STAM: variants seen among roughly 807,000 people sequenced by gnomAD.
The protein encoded by STAM is signal transducing adapter molecule 1.
STAM carries 16 observed loss-of-function variants against 63.4 expected under a neutral mutation model. The observed-to-expected ratio is 0.25, with a 90% CI of 0.17 to 0.38. The LOEUF (loss-of-function observed/expected upper bound fraction) is 0.38, where lower values mean the gene tolerates loss of function less well. Among genes scored for constraint, STAM ranks in the 10% least tolerant of loss-of-function variants. The pLI is 1.00. For missense variants in STAM, 636 were observed against 657.1 expected, an observed-to-expected ratio of 0.97 and a Z score of 0.35; for synonymous variants, 238 against 223.9, an observed-to-expected ratio of 1.06 and a Z score of -0.56.
intron 2 of STAM, among the ~76,000 whole-genome samples, chr10:17,682,665 A>T (rs1405601221): frequency 6.6e-6 from 1 of 152,182 alleles, no homozygotes. Flanking sequence ...TATAGGACAG[A>T]ATGTAGTCCA....
At chr10:17,705,402 C>T (rs1475370734) in intron 11 of STAM, among the ~76,000 whole-genome samples, 186 bp from the exon 12 acceptor site, 4 of 152,132 alleles carry the variant, frequency 2.6e-5, no homozygotes, top group East Asian at 1.9e-4. Context: ...TAGCACAGCA[C>T]GTAAACCTTA....
At chr10:17,707,413 A>T (rs1368931010) in intron 12 of STAM, among the ~76,000 whole-genome samples, 4 of 151,500 alleles carry the variant, frequency 2.6e-5, no homozygotes, top group Admixed American at 6.6e-5. Context: ...CCACCTCAAA[A>T]AATAATAATA....
At chr10:17,704,742 A>C (rs557034487) in intron 10 of STAM, among the ~76,000 whole-genome samples, 35 of 152,364 alleles carry the variant, frequency 2.3e-4, no homozygotes, top group African/African-American at 8.4e-4. Context: ...GAACCTGGTA[A>C]AATGAAAAAT....
chr10:17,684,713 AC>A lies in STAM; in HGVS notation c.166del (p.His56ThrfsTer11). 1 of 1,614,074 alleles carries A rather than the reference AC, an allele frequency of 6.2e-7. No individual in the cohort carries two copies. Among genetic ancestry groups the A allele is most frequent in the Non-Finnish European group, 8.5e-7 (1 of 1,179,988 alleles). On this transcript the variant is annotated frameshift_variant, in exon 3 of 14. Coordinates refer to ENST00000377524, the MANE Select transcript of STAM (RefSeq NM_003473.4). LOFTEE classifies it high-confidence loss of function. ...CTTCGGTCTATTATGAGAAGAGTGA[AC>A]CACAAAGATCCTCACGTTGCTATGC... Reference protein sequence around the residue: ...DCLRSIMRRVNHKDPHVAMQA... With the variant: ...DCLRSIMRRVXHKDPHVAMQA...
intron 9 of STAM, among the ~76,000 whole-genome samples, chr10:17,703,170 T>A (rs1445027465): frequency 6.6e-6 from 1 of 152,166 alleles, no homozygotes; most frequent in Non-Finnish European, 1.5e-5. Flanking sequence ...TGTGTGTTAA[T>A]GGACTCTCAC....
intron 2 of STAM, among the ~76,000 whole-genome samples, chr10:17,668,675 G>GT (rs1445706816): frequency 1.3e-5 from 2 of 152,074 alleles, no homozygotes; most frequent in Non-Finnish European, 2.9e-5. Flanking sequence ...CTGTTTACAA[G>GT]TTTATCTTTT....
intron 1 of STAM, among the ~76,000 whole-genome samples, chr10:17,648,524 C>T (rs141437027): frequency 1.3e-3 from 201 of 152,294 alleles, no homozygotes; most frequent in African/African-American, 4.6e-3. Context: ...TCTTTGGGTC[C>T]GTGCTACCTT....
chr10:17,680,548 A>G (rs1835044582), intron 2 of STAM, among the ~76,000 whole-genome samples: 1 of 151,862 alleles, frequency 6.6e-6, no homozygotes, highest in South Asian at 2.1e-4. Flanking sequence ...TGGGACTACA[A>G]GTGTGTGCCA....
rs782493156 is a variant in STAM at position 17,704,493 on chromosome 10, C to G, written c.975C>G (p.Asp325Glu). 2.9e-5 allele frequency: 47 copies of G among 1,613,936 alleles called. No individual in the cohort carries two copies. In the East Asian group the frequency reaches 1.0e-3, roughly 34 times the overall value. ...CAGACCCCAGTGATGATCAGCCAGA[C>G]CTACCAGAGCTGCTTCATCTTGAAG... ...QSTDPSDDQP[D>E]LPELLHLEAM... The change falls in exon 10 of 14, where the codon GAC (aspartate) becomes GAG (glutamate). Residue 325 changes from aspartate (D) to glutamate (E), a missense_variant. Physicochemically the swap from Asp to Glu is conservative, Grantham distance 45. Coordinates refer to ENST00000377524, the MANE Select transcript of STAM (RefSeq NM_003473.4).
chr10:17,655,700 C>G (rs1301644345), intron 1 of STAM, among the ~76,000 whole-genome samples: 1 of 152,152 alleles, frequency 6.6e-6, no homozygotes, highest in Non-Finnish European at 1.5e-5. Context: ...ACAAGAATTT[C>G]ATTATCACTT....
At chr10:17,675,652 A>G (rs966892848) in intron 2 of STAM, among the ~76,000 whole-genome samples, 3 of 152,254 alleles carry the variant, frequency 2.0e-5, no homozygotes, top group Non-Finnish European at 2.9e-5. Context: ...ACACTAGGCT[A>G]GACTATGAAC....
rs10673746 is a variant in STAM at position 17,666,387 on chromosome 10, A to ATTTTTT, written c.125+5859_125+5864dup. ...TAAAAATGTTTTTCCTTGGCTTTGT[A>ATTTTTT]TTTTTTTTTTTTTTTTTTTTTTTTT... On this transcript the variant is annotated intron_variant, in intron 2 of 13. Coordinates refer to ENST00000377524, the MANE Select transcript of STAM (RefSeq NM_003473.4). Among the ~76,000 whole-genome samples the ATTTTTT allele has an allele frequency of 1.3e-3, 110 of 85,904 alleles. 2 individuals carry two copies. The highest frequency in any genetic ancestry group is 8.3e-3 in the Middle Eastern group (1 of 120). The allele number at this position is 85,904 out of a possible 152,430, so 56.4% of individuals were successfully genotyped here. A position where few individuals can be genotyped will look rare whatever the true frequency, so the allele number is the denominator to read the frequency against.
intron 2 of STAM, among the ~76,000 whole-genome samples, chr10:17,669,628 T>C (rs1554823806): frequency 6.6e-6 from 1 of 151,992 alleles, no homozygotes; most frequent in Admixed American, 6.6e-5. Flanking sequence ...TGAGGTATTT[T>C]GTCCTTTTTG....
Position 17,684,665 on chromosome 10 carries a change from A to G in STAM, c.126-10A>G, listed in dbSNP as rs896576152. Reference sequence around the variant, plus strand: ...TTATTAAGTAATTTTTACTTTTCTCATTTTTTTAGACCTAAGGATTGTCTT... The same window carrying G: ...TTATTAAGTAATTTTTACTTTTCTCGTTTTTTTAGACCTAAGGATTGTCTT... On this transcript the variant is annotated splice_polypyrimidine_tract_variant and intron_variant, in intron 2 of 13. Coordinates refer to ENST00000377524, the MANE Select transcript of STAM (RefSeq NM_003473.4). The G allele has an allele frequency of 3.7e-6, 6 of 1,608,230 alleles. No individual in the cohort carries two copies. The highest frequency in any genetic ancestry group is 4.2e-6 in the Non-Finnish European group (5 of 1,178,112).
chr10:17,678,342 C>T (rs572686386), intron 2 of STAM, among the ~76,000 whole-genome samples: 4 of 151,986 alleles, frequency 2.6e-5, no homozygotes, highest in Admixed American at 6.6e-5. Flanking sequence ...GTAACCTGCA[C>T]CTCCCAGGTT....
chr10:17,657,848 T>TC (rs1195023532), intron 1 of STAM, among the ~76,000 whole-genome samples: 28 of 146,654 alleles, frequency 1.9e-4, no homozygotes, highest in Non-Finnish European at 3.6e-4. Flanking sequence ...GTTTTCTCTC[T>TC]CTTTTTTTTT....
chr10:17,645,768 A>T (rs1402551331), intron 1 of STAM, among the ~76,000 whole-genome samples: 1 of 152,224 alleles, frequency 6.6e-6, no homozygotes, highest in Admixed American at 6.5e-5. Context: ...CAGCTCAGTG[A>T]CATAAGAGAT....
At chr10:17,691,474 C>T (rs1306834158) in intron 5 of STAM, among the ~76,000 whole-genome samples, 9 of 152,028 alleles carry the variant, frequency 5.9e-5, no homozygotes, top group Non-Finnish European at 1.2e-4. Context: ...GCCAAGATCT[C>T]GCCACTGTAC....
At chr10:17,694,303 G>T (rs1402582351) in intron 6 of STAM, among the ~76,000 whole-genome samples, 1 of 150,690 alleles carries the variant, frequency 6.6e-6, no homozygotes, top group African/African-American at 2.4e-5. Context: ...AATGGCTTTT[G>T]AAAAATATTG....
Sources: gnomAD v4.1 joint callset for allele counts (sites outside exome capture counted in the v4.1 genomes callset) on GRCh38, gnomAD v4.1.1 for gene constraint, MANE v1.5 for transcripts, NCBI Gene and HGNC (gene_info 2026-07-23, HGNC 2026-07-21) for gene names.